The following SEC24C variants were observed in gnomAD, a reference collection of about 807,000 sequenced individuals.
The protein encoded by SEC24C is SEC24 homolog C, COPII component.
Under a neutral mutation model 117.0 loss-of-function variants are expected in SEC24C, and 22 were observed. The observed-to-expected ratio is 0.19, with a 90% CI of 0.13 to 0.27. SEC24C has a LOEUF of 0.27. Among genes scored for constraint, SEC24C ranks in the 10% least tolerant of loss-of-function variants. The pLI, the probability that SEC24C is intolerant of heterozygous loss-of-function variation, is 1.00. For synonymous variants in SEC24C, 506 were observed against 529.4 expected (o/e 0.96, Z 0.61); for missense variants, 1,155 against 1,375.1 (o/e 0.84, Z 2.53).
At chr10:73,763,706 T>TTTTTTTTTA in intron 7 of SEC24C, 105 bp downstream of exon 7, 3 of 681,254 alleles carry the variant, frequency 4.4e-6, no homozygotes, top group Non-Finnish European at 6.7e-6. Context: ...TTTTAGTTTT[T>TTTTTTTTTA]AACCAGAGAC....
rs2082592232 is a variant in SEC24C at position 73,748,323 on chromosome 10, C to A, written c.172+1319C>A. Among the ~76,000 whole-genome samples, 4 of 150,804 alleles carry A rather than the reference C, an allele frequency of 2.7e-5. No individual in the cohort carries two copies. In the South Asian group the frequency reaches 8.4e-4, roughly 32 times the overall value. The stretch of plus-strand genomic sequence containing the variant: ...GCATTTTTTGTATTTTTAGTAGAGA[C>A]AGTGTTACACCATGTTGGCCAGGCT... On this transcript the variant is annotated intron_variant, in intron 2 of 22. Transcript: ENST00000345254.
intron 3 of SEC24C, among the ~76,000 whole-genome samples, chr10:73,759,243 T>C (rs1443709150): frequency 6.6e-6 from 1 of 152,018 alleles, no homozygotes; most frequent in African/African-American, 2.4e-5. Flanking sequence ...TTTGATTTCA[T>C]ATTTATTAAG....
chr10:73,766,948 G>T, intron 13 of SEC24C, 95 bp downstream of exon 13: 1 of 1,380,312 alleles, frequency 7.2e-7, no homozygotes, highest in South Asian at 1.2e-5. Context: ...AGTAGTGGGT[G>T]ACTGTCCAGT....
chr10:73,757,351 C>CT, intron 3 of SEC24C, among the ~76,000 whole-genome samples: 1 of 141,692 alleles, frequency 7.1e-6, no homozygotes, highest in Non-Finnish European at 1.6e-5. Context: ...TAGGGAGATC[C>CT]TGTCGCTATA....
At chr10:73,760,601 C>A in intron 5 of SEC24C, 112 bp from the exon 6 acceptor site, 1 of 1,237,180 alleles carries the variant, frequency 8.1e-7, no homozygotes, top group Non-Finnish European at 1.1e-6. Flanking sequence ...CTTTGCCAGG[C>A]ATTAGTGTGC....
intron 2 of SEC24C, among the ~76,000 whole-genome samples, chr10:73,749,294 C>A (rs1053461937): frequency 1.3e-5 from 2 of 152,164 alleles, no homozygotes; most frequent in African/African-American, 4.8e-5. Context: ...TTGAGAAAGC[C>A]TCTTGTTGGA....
intron 3 of SEC24C, among the ~76,000 whole-genome samples, chr10:73,756,110 C>T (rs2082706841): frequency 6.6e-6 from 1 of 152,022 alleles, no homozygotes; most frequent in African/African-American, 2.4e-5. Context: ...CCTTGGCCTC[C>T]CAAAGTGGTG....
chr10:73,745,210 T>C (rs993456088), intron 1 of SEC24C, among the ~76,000 whole-genome samples: 3 of 151,952 alleles, frequency 2.0e-5, no homozygotes, highest in Non-Finnish European at 4.4e-5. Flanking sequence ...CTGTTGAAAG[T>C]AGATGTGATG....
intron 6 of SEC24C, 51 bp from the exon 7 acceptor site, chr10:73,763,439 C>A: frequency 1.6e-6 from 2 of 1,268,406 alleles, no homozygotes; most frequent in Non-Finnish European, 2.3e-6. Flanking sequence ...CACTCTGGGA[C>A]CTCACACTTC....
rs1201243331 is a variant in SEC24C, at chr10:73,760,211, G to A, written c.675G>A (p.Ser225=). Residue 225 remains serine, a synonymous_variant, in exon 5 of 23, where the codon TCG becomes TCA. Transcript: ENST00000345254. ...PPASGGPRLP[S]MTGPLLPGQS... is the part of the protein sequence containing the mutation. ...CTTCAGGGGGTCCTCGGCTGCCTTC[G>A]ATGACTGGTCCACTCCTGCCTGGAC... 3.7e-6 allele frequency: 6 copies of A among 1,614,004 alleles called. No homozygotes were observed. Among genetic ancestry groups the A allele is most frequent in the South Asian group, 1.1e-5 (1 of 91,080 alleles).
chr10:73,747,396 G>T (rs575772487), intron 2 of SEC24C, among the ~76,000 whole-genome samples: 2 of 151,866 alleles, frequency 1.3e-5, no homozygotes, highest in East Asian at 3.9e-4. Context: ...TCTCTCTGTC[G>T]CCCAGGCTGG....
intron 1 of SEC24C, among the ~76,000 whole-genome samples, chr10:73,745,768 ATGAAC>A (rs1436305155): frequency 4.6e-5 from 7 of 151,368 alleles, no homozygotes; most frequent in African/African-American, 7.3e-5. Flanking sequence ...CAGGCTGGTC[ATGAAC>A]TCCTGACCTC....
At position 73,751,250 on chromosome 10, in the gene SEC24C, A is replaced by G; in HGVS notation, c.308+7A>G. On this transcript the variant is annotated splice_region_variant and intron_variant, in intron 3 of 22. Transcript: ENST00000345254. ...CCACTGTTCAGATGCAAAGGTAGGT[A>G]CTTGGTCAATCTAAAATTGGTCTGA... 1 of 1,610,966 alleles carries G rather than the reference A, an allele frequency of 6.2e-7. No homozygotes were observed. The highest frequency in any genetic ancestry group is 8.5e-7 in the Non-Finnish European group (1 of 1,177,820).
intron 6 of SEC24C, chr10:73,762,297 C>G (rs1244299869): frequency 3.7e-6 from 2 of 543,740 alleles, no homozygotes. Flanking sequence ...CCTAGCCCTT[C>G]TAGATACTCA....
intron 3 of SEC24C, among the ~76,000 whole-genome samples, chr10:73,755,674 G>A (rs557228859): frequency 6.7e-6 from 1 of 150,374 alleles, no homozygotes; most frequent in African/African-American, 2.4e-5. Context: ...GCGAGACTCC[G>A]TCTCAGGAAA....
intron 22 of SEC24C, 43 bp downstream of exon 22, chr10:73,770,841 C>T: frequency 6.2e-7 from 1 of 1,612,354 alleles, no homozygotes; most frequent in Non-Finnish European, 8.5e-7. Flanking sequence ...TTGTCAAGTC[C>T]TCACCTAGAA....
intron 6 of SEC24C, among the ~76,000 whole-genome samples, 176 bp downstream of exon 6, chr10:73,761,025 T>TG (rs1166521203): frequency 1.3e-5 from 2 of 152,282 alleles, no homozygotes; most frequent in African/African-American, 4.8e-5. Context: ...AGGAGTCTTT[T>TG]GGGGGGCTGT....
chr10:73,746,973 A>T lies in SEC24C; in HGVS notation c.141A>T (p.Pro47=). Residue 47 remains proline, a synonymous_variant, in exon 2 of 23, where the codon CCA becomes CCT. Transcript: ENST00000345254. ...TTCCCTATGGAGCCTACAATGGCCC[A>T]GTACCAGGCTATCAGCAAACACCTC... ...PAIPYGAYNG[P]VPGYQQTPPQ... 1 of 1,613,292 alleles carries T rather than the reference A, an allele frequency of 6.2e-7. No individual in the cohort carries two copies. Among genetic ancestry groups the T allele is most frequent in the Non-Finnish European group, 8.5e-7 (1 of 1,179,702 alleles).
In SEC24C at chr10:73,770,861, G is replaced by C. The variant is rs545537933; in HGVS notation, c.3144+63G>C. On this transcript the variant is annotated intron_variant, in intron 22 of 22. Transcript: ENST00000345254. ...AAGTCCTCACCTAGAAGTGGGGGTT[G>C]GGTGGGGAATGAGTAAGTGACTGCC... The C allele has an allele frequency of 1.9e-6, 3 of 1,610,762 alleles. No individual in the cohort carries two copies. The African/African-American group carries it at 4.0e-5, about 21-fold the overall frequency.
Sources: gnomAD v4.1 joint callset for allele counts (sites outside exome capture counted in the v4.1 genomes callset) on GRCh38, gnomAD v4.1.1 for gene constraint, MANE v1.5 for transcripts, NCBI Gene and HGNC (gene_info 2026-07-23, HGNC 2026-07-21) for gene names.